DYNC1I1: variants seen among roughly 807,000 people sequenced by gnomAD.
DYNC1I1 encodes the protein dynein cytoplasmic 1 intermediate chain 1.
DYNC1I1 carries 43 observed loss-of-function variants against 86.6 expected under a neutral mutation model. The observed-to-expected ratio is 0.50, with a 90% CI of 0.39 to 0.64. The LOEUF (loss-of-function observed/expected upper bound fraction) is 0.64. Among genes scored for constraint, DYNC1I1 ranks in the 30% least tolerant of loss-of-function variants. The pLI, the probability that DYNC1I1 is intolerant of heterozygous loss-of-function variation, is 0.00. For synonymous variants in DYNC1I1, 262 were observed against 283.7 expected, an observed-to-expected ratio of 0.92 and a Z score of 0.77; for missense variants, 604 against 788.8, an observed-to-expected ratio of 0.77 and a Z score of 2.81.
At chr7:95,936,827 AT>A (rs1792053103) in intron 6 of DYNC1I1, among the ~76,000 whole-genome samples, 1 of 152,028 alleles carries the variant, frequency 6.6e-6, no homozygotes, top group Middle Eastern at 3.4e-3. Flanking sequence ...GGGGGACATG[AT>A]TGGGGACAAG....
At chr7:96,077,528 G>A (rs1790381374) in intron 15 of DYNC1I1, among the ~76,000 whole-genome samples, 1 of 152,076 alleles carries the variant, frequency 6.6e-6, no homozygotes. Context: ...TAACATTATT[G>A]TTTTTAATAG....
At chr7:95,993,413 A>G (rs911968821) in intron 9 of DYNC1I1, among the ~76,000 whole-genome samples, 1 of 152,224 alleles carries the variant, frequency 6.6e-6, no homozygotes, top group African/African-American at 2.4e-5. Context: ...GGGTGATATT[A>G]TTGCAGAAAC....
intron 5 of DYNC1I1, among the ~76,000 whole-genome samples, chr7:95,832,789 G>A (rs1176483885): frequency 2.6e-5 from 4 of 152,066 alleles, no homozygotes; most frequent in Non-Finnish European, 2.9e-5. Flanking sequence ...GTCTGTTCAT[G>A]TCCTTTGCCC....
At chr7:96,026,431 T>G (rs116437437) in intron 10 of DYNC1I1, among the ~76,000 whole-genome samples, 3,037 of 151,584 alleles carry the variant, frequency 0.02, 56 homozygotes, top group African/African-American at 0.051. Flanking sequence ...GGTTTTTTTT[T>G]GGGGTTTTTT....
intron 6 of DYNC1I1, among the ~76,000 whole-genome samples, chr7:95,973,951 C>G (rs753569391): frequency 8.5e-5 from 13 of 152,158 alleles, no homozygotes; most frequent in African/African-American, 2.9e-4. Flanking sequence ...TGAATCCAGA[C>G]CTTGATCCAT....
intron 10 of DYNC1I1, among the ~76,000 whole-genome samples, chr7:96,000,262 A>G (rs749441890): frequency 6.6e-6 from 1 of 152,206 alleles, no homozygotes; most frequent in Admixed American, 6.5e-5. Flanking sequence ...AATAAACTCC[A>G]TGGCTAAGAA....
intron 1 of DYNC1I1, among the ~76,000 whole-genome samples, chr7:95,787,466 G>A (rs573967104): frequency 3.9e-5 from 6 of 152,256 alleles, no homozygotes; most frequent in Admixed American, 3.3e-4. Context: ...CCAAAACAAA[G>A]CAAAAGGGTT....
At chr7:95,877,592 G>A (rs1408923952) in intron 6 of DYNC1I1, among the ~76,000 whole-genome samples, 1 of 152,142 alleles carries the variant, frequency 6.6e-6, no homozygotes, top group Non-Finnish European at 1.5e-5. Flanking sequence ...AAGCCTAAGG[G>A]CATCCTCAAA....
intron 5 of DYNC1I1, among the ~76,000 whole-genome samples, chr7:95,849,144 T>C (rs1391606886): frequency 6.6e-6 from 1 of 152,188 alleles, no homozygotes; most frequent in Non-Finnish European, 1.5e-5. Flanking sequence ...AGATGTAAGT[T>C]TGCAAATATT....
intron 5 of DYNC1I1, among the ~76,000 whole-genome samples, chr7:95,831,096 A>T (rs1168665931): frequency 6.6e-6 from 1 of 152,080 alleles, no homozygotes; most frequent in African/African-American, 2.4e-5. Context: ...TTGATTTTGA[A>T]AGTTCTTCGT....
chr7:95,985,089 A>C, intron 8 of DYNC1I1, 112 bp downstream of exon 8: 1 of 1,446,430 alleles, frequency 6.9e-7, no homozygotes, highest in Non-Finnish European at 9.4e-7. Flanking sequence ...GGAGGGTGAA[A>C]TTTTGGAATT....
At chr7:95,878,816 T>C (rs1305901701) in intron 6 of DYNC1I1, among the ~76,000 whole-genome samples, 2 of 151,684 alleles carry the variant, frequency 1.3e-5, no homozygotes, top group African/African-American at 4.8e-5. Flanking sequence ...AAGGAAAATA[T>C]CCTGAAAGCA....
chr7:96,101,290 T>A (rs1028159609), downstream of DYNC1I1, among the ~76,000 whole-genome samples: 2 of 152,120 alleles, frequency 1.3e-5, no homozygotes, highest in African/African-American at 2.4e-5. Context: ...AGAGCAAGAA[T>A]GGAGACGCAG....
chr7:95,856,026 A>G (rs1789711350), intron 5 of DYNC1I1, among the ~76,000 whole-genome samples: 1 of 152,228 alleles, frequency 6.6e-6, no homozygotes, highest in South Asian at 2.1e-4. Context: ...TTACTTTATA[A>G]GCTTTGTAAT....
intron 10 of DYNC1I1, among the ~76,000 whole-genome samples, chr7:96,011,225 C>G (rs1250264723): frequency 6.6e-6 from 1 of 152,080 alleles, no homozygotes; most frequent in African/African-American, 2.4e-5. Flanking sequence ...ATTTAGAATT[C>G]AACTTTTATT....
chr7:95,875,509 A>T (rs1790286979), intron 6 of DYNC1I1, among the ~76,000 whole-genome samples: 3 of 152,220 alleles, frequency 2.0e-5, no homozygotes, highest in African/African-American at 7.2e-5. Flanking sequence ...CGTCCCTGTT[A>T]GTATGTTCCA....
intron 6 of DYNC1I1, among the ~76,000 whole-genome samples, chr7:95,879,473 A>G (rs1217607240): frequency 2.0e-5 from 3 of 152,174 alleles, no homozygotes; most frequent in Admixed American, 6.5e-5. Context: ...TAGAGAAGTG[A>G]AGAAGAAGTA....
intron 10 of DYNC1I1, among the ~76,000 whole-genome samples, chr7:96,004,782 T>G (rs1794101760): frequency 6.6e-6 from 1 of 152,172 alleles, no homozygotes; most frequent in Admixed American, 6.5e-5. Flanking sequence ...ATCCACAGTG[T>G]CCTGTAGGGG....
chr7:95,908,329 C>T (rs1791230206), intron 6 of DYNC1I1, among the ~76,000 whole-genome samples: 1 of 152,084 alleles, frequency 6.6e-6, no homozygotes. Context: ...AAGCATTTGA[C>T]ACCTAAATAG....
Sources: allele counts gnomAD v4.1 joint callset (sites outside exome capture counted in the v4.1 genomes callset), GRCh38; gene constraint gnomAD v4.1.1; transcripts MANE v1.5; gene names NCBI Gene and HGNC (gene_info 2026-07-23, HGNC 2026-07-21).